The following PNLIP variants were observed in gnomAD, a reference collection of about 807,000 sequenced individuals.
The protein encoded by PNLIP is pancreatic lipase.
PNLIP carries 49 observed loss-of-function variants against 57.1 expected under a neutral mutation model. The ratio of observed to expected loss-of-function variants is 0.86; its 90% confidence interval spans 0.68 to 1.09. The LOEUF is 1.09. PNLIP is among the 50% of genes least tolerant of loss of function. The pLI is 0.00. For missense variants in PNLIP, 503 were observed against 570.2 expected (o/e 0.88, Z 1.20); for synonymous variants, 209 against 200.4 (o/e 1.04, Z -0.36).
chr10:116,561,818 A>G (rs544913194), intron 12 of PNLIP, among the ~76,000 whole-genome samples, 182 bp downstream of exon 12: 158 of 152,334 alleles, frequency 1.0e-3, no homozygotes, highest in African/African-American at 3.6e-3. Flanking sequence ...AACAGCTTTG[A>G]TCAATTCATG....
At chr10:116,546,267 C>A in intron 2 of PNLIP, 129 bp downstream of exon 2, 1 of 759,376 alleles carries the variant, frequency 1.3e-6, no homozygotes, top group South Asian at 1.5e-5. Context: ...GCACAGGAGA[C>A]GCATAAGAGC....
chr10:116,556,240 T>G (rs921887157), intron 9 of PNLIP, 122 bp downstream of exon 9: 7 of 647,366 alleles, frequency 1.1e-5, no homozygotes, highest in Non-Finnish European at 1.9e-5. Flanking sequence ...TACATGCCTT[T>G]AATTATATGT....
chr10:116,547,658 A>G (rs989777388), intron 3 of PNLIP, among the ~76,000 whole-genome samples: 1 of 149,628 alleles, frequency 6.7e-6, no homozygotes, highest in Non-Finnish European at 1.5e-5. Flanking sequence ...CCCGGGAGGC[A>G]GAGCTTGCAG....
chr10:116,545,958 G>C lies in PNLIP; in HGVS notation c.-1G>C. On this transcript the variant is annotated splice_region_variant and 5_prime_UTR_variant, in exon 1 of 13. Coordinates refer to ENST00000369221, the MANE Select transcript of PNLIP (RefSeq NM_000936.4). ...GTGTGGAACCTGACGGAACTGCCAC[G>C]GTGAGTCGGGAACATGTTTTCCAGG... 1.4e-6 allele frequency: 1 copy of C among 703,466 alleles called. No homozygotes were observed. Among genetic ancestry groups the C allele is most frequent in the Non-Finnish European group, 2.5e-6 (1 of 400,332 alleles). The allele number at this position is 703,466 out of a possible 1,614,324, so 43.6% of individuals were successfully genotyped here.
chr10:116,564,913 A>C (rs547567524), intron 12 of PNLIP, among the ~76,000 whole-genome samples: 1 of 152,322 alleles, frequency 6.6e-6, no homozygotes, highest in South Asian at 2.1e-4. Flanking sequence ...ATAGCAAGTA[A>C]ACCAAACAAG....
chr10:116,558,879 C>G (rs777186523), intron 9 of PNLIP, among the ~76,000 whole-genome samples: 47 of 152,276 alleles, frequency 3.1e-4, no homozygotes, highest in Admixed American at 9.8e-4. Context: ...CCTGCCTCAG[C>G]CTCCCAAAGT....
chr10:116,565,154 G>A (rs1396579714), intron 12 of PNLIP, among the ~76,000 whole-genome samples: 1 of 149,882 alleles, frequency 6.7e-6, no homozygotes, highest in Non-Finnish European at 1.5e-5. Context: ...GGAGGCTGAG[G>A]CAGGAGAATG....
In PNLIP at chr10:116,561,371, A is replaced by G. The variant is rs115356062; in HGVS notation, c.1170-101A>G. The G allele has an allele frequency of 7.7e-4, 582 of 753,872 alleles. 3 individuals carry two copies. The African/African-American group carries it at 9.4e-3, about 12-fold the overall frequency. The allele number at this position is 753,872 out of a possible 1,614,324, so 46.7% of individuals were successfully genotyped here. A position where few individuals can be genotyped will look rare whatever the true frequency, so the allele number is the denominator to read the frequency against. On this transcript the variant is annotated intron_variant, in intron 11 of 12. Coordinates refer to ENST00000369221, the MANE Select transcript of PNLIP (RefSeq NM_000936.4). Reference sequence around the variant, plus strand: ...TTGTAAGCTGGTCTTAGAAACATAAATGTGTATGTATATATGTACACACTT... The same window carrying G: ...TTGTAAGCTGGTCTTAGAAACATAAGTGTGTATGTATATATGTACACACTT...
chr10:116,563,198 T>C (rs1450182489), intron 12 of PNLIP, among the ~76,000 whole-genome samples: 1 of 152,194 alleles, frequency 6.6e-6, no homozygotes, highest in Non-Finnish European at 1.5e-5. Context: ...TCCAAAATGC[T>C]TGAGATCCGA....
Position 116,553,828 on chromosome 10 carries a change from A to G in PNLIP, c.561A>G (p.Gly187=), listed in dbSNP as rs568704280. 1 of 1,598,688 alleles carries G rather than the reference A, an allele frequency of 6.3e-7. No individual in the cohort carries two copies. Among genetic ancestry groups the G allele is most frequent in the African/African-American group, 1.3e-5 (1 of 74,740 alleles). The part of the protein sequence containing the change: ...EAGRRTNGTI[G]RITGLDPAEP... Reference sequence around the variant, plus strand: ...GAAGGAGAACCAATGGGACCATTGGACGCATCACAGGTTGGTGAAAACAGT... The same window carrying G: ...GAAGGAGAACCAATGGGACCATTGGGCGCATCACAGGTTGGTGAAAACAGT... Residue 187 remains glycine, a synonymous_variant, in exon 6 of 13, where the codon GGA becomes GGG. Coordinates refer to ENST00000369221, the MANE Select transcript of PNLIP (RefSeq NM_000936.4).
chr10:116,564,065 A>G (rs1193077404), intron 12 of PNLIP, among the ~76,000 whole-genome samples: 1 of 152,164 alleles, frequency 6.6e-6, no homozygotes, highest in African/African-American at 2.4e-5. Flanking sequence ...AAACCAACAG[A>G]TCAAAGAAAA....
At chr10:116,552,800 G>C (rs1781701840) in intron 5 of PNLIP, among the ~76,000 whole-genome samples, 2 of 151,978 alleles carry the variant, frequency 1.3e-5, no homozygotes, top group Admixed American at 6.6e-5. Context: ...GCAGGAGAAT[G>C]GCGTGAACCC....
chr10:116,560,594 C>T (rs554484732), intron 11 of PNLIP, 70 bp downstream of exon 11: 187 of 691,114 alleles, frequency 2.7e-4, no homozygotes, highest in Middle Eastern at 4.2e-4. Flanking sequence ...GCTGTGTCGC[C>T]GGGGCTGGAG....
At chr10:116,553,576 G>C in intron 5 of PNLIP, 151 bp from the exon 6 acceptor site, 3 of 654,680 alleles carry the variant, frequency 4.6e-6, no homozygotes, top group Non-Finnish European at 8.3e-6. Context: ...GTAGGTAGTA[G>C]GCTATGCCAT....
Position 116,547,438 on chromosome 10 carries a change from A to G in PNLIP, c.191A>G (p.Asn64Ser), listed in dbSNP as rs1018295774. 2 of 1,611,976 alleles carry G rather than the reference A, an allele frequency of 1.2e-6. No homozygotes were observed. Among genetic ancestry groups the G allele is most frequent in the East Asian group, 2.2e-5 (1 of 44,870 alleles). The change falls in exon 3 of 13, where the codon AAC becomes AGC. Residue 64 changes from asparagine (N) to serine (S), a missense_variant. Coordinates refer to ENST00000369221, the MANE Select transcript of PNLIP (RefSeq NM_000936.4). ...RFLLYTNENP[N>S]NFQEVAADSS... is the part of the protein sequence containing the mutation. Reference sequence around the variant, plus strand: ...CTCCTATATACTAATGAGAACCCAAACAACTTTCAAGTAAGAACTATCACT... The same window carrying G: ...CTCCTATATACTAATGAGAACCCAAGCAACTTTCAAGTAAGAACTATCACT...
At chr10:116,562,590 C>A (rs578209068) in intron 12 of PNLIP, among the ~76,000 whole-genome samples, 41 of 152,174 alleles carry the variant, frequency 2.7e-4, no homozygotes, top group African/African-American at 9.2e-4. Flanking sequence ...GACAGCATAC[C>A]AGAGAGGAGA....
Position 116,547,434 on chromosome 10 carries a change from C to T in PNLIP, c.187C>T (p.Pro63Ser), listed in dbSNP as rs1168844690. ...TRFLLYTNEN[P>S]NNFQEVAADS... ...CTTCCTCCTATATACTAATGAGAACCCAAACAACTTTCAAGTAAGAACTAT... is the reference window on the plus strand; with the variant it reads ...CTTCCTCCTATATACTAATGAGAACTCAAACAACTTTCAAGTAAGAACTAT... The change falls in exon 3 of 13, where the codon CCA becomes TCA. Residue 63 changes from proline to serine, a missense_variant. Coordinates refer to ENST00000369221, the MANE Select transcript of PNLIP (RefSeq NM_000936.4). 8 of 1,611,882 alleles carry T rather than the reference C, an allele frequency of 5.0e-6. No individual in the cohort carries two copies. The highest frequency in any genetic ancestry group is 6.8e-6 in the Non-Finnish European group (8 of 1,179,448).
intron 12 of PNLIP, among the ~76,000 whole-genome samples, chr10:116,566,508 T>C (rs1475969581): frequency 6.6e-6 from 1 of 152,126 alleles, no homozygotes; most frequent in African/African-American, 2.4e-5. Context: ...CAGAGGTGTG[T>C]GTGTGTTGTG....
At chr10:116,558,895 G>T (rs917784586) in intron 9 of PNLIP, among the ~76,000 whole-genome samples, 4 of 152,280 alleles carry the variant, frequency 2.6e-5, no homozygotes, top group African/African-American at 9.6e-5. Flanking sequence ...AAAGTGCTGG[G>T]ATTACAAGCG....
Sources: allele counts gnomAD v4.1 joint callset (sites outside exome capture counted in the v4.1 genomes callset), GRCh38; gene constraint gnomAD v4.1.1; transcripts MANE v1.5; gene names NCBI Gene and HGNC (gene_info 2026-07-23, HGNC 2026-07-21).